Variants in PTPRN2 observed in about 807,000 individuals in gnomAD.
The protein encoded by PTPRN2 is protein tyrosine phosphatase receptor type N2, also known as receptor-type tyrosine-protein phosphatase N2.
A neutral mutation model predicts 118.8 loss-of-function variants in PTPRN2; 74 were observed. The observed-to-expected ratio is 0.62, with a 90% confidence interval of 0.52 to 0.76. PTPRN2 has a LOEUF of 0.76. Ranked by LOEUF, PTPRN2 falls within the 30% of genes least tolerant of loss-of-function variation. PTPRN2 has a pLI of 0.00. For synonymous variants in PTPRN2, 641 were observed against 608.0 expected, an observed-to-expected ratio of 1.05 and a Z score of -0.80; for missense variants, 1,481 against 1,394.4, an observed-to-expected ratio of 1.06 and a Z score of -0.99.
At chr7:158,171,348 T>TAC (rs1252929315) in intron 5 of PTPRN2, among the ~76,000 whole-genome samples, 5,954 of 89,510 alleles carry the variant, frequency 0.067, 709 homozygotes, top group Middle Eastern at 0.11. Context: ...TATATATATA[T>TAC]ACACACACAC....
intron 1 of PTPRN2, among the ~76,000 whole-genome samples, chr7:158,542,635 A>G (rs577114618): frequency 1.2e-4 from 18 of 152,364 alleles, no homozygotes; most frequent in African/African-American, 4.3e-4. Flanking sequence ...CGCTCAACCC[A>G]AGCAAGTGAG....
At chr7:157,853,017 T>G (rs563173178) in intron 12 of PTPRN2, among the ~76,000 whole-genome samples, 253 of 152,286 alleles carry the variant, frequency 1.7e-3, no homozygotes, top group African/African-American at 4.9e-3. Context: ...CCCATCACTG[T>G]GTGGACCATG....
intron 12 of PTPRN2, among the ~76,000 whole-genome samples, chr7:157,825,490 C>T (rs1807114013): frequency 6.6e-6 from 1 of 152,182 alleles, no homozygotes; most frequent in Non-Finnish European, 1.5e-5. Context: ...TTTTCTGTCA[C>T]ACTCAGTCAC....
At chr7:158,302,345 A>G (rs1190853356) in intron 3 of PTPRN2, among the ~76,000 whole-genome samples, 1 of 152,228 alleles carries the variant, frequency 6.6e-6, no homozygotes, top group Non-Finnish European at 1.5e-5. Flanking sequence ...GTGATCCCTC[A>G]TGTGGGACAC....
In PTPRN2 at chr7:158,093,842, T is replaced by A. The variant is rs929263259; in HGVS notation, c.1644-12465A>T. Among the ~76,000 whole-genome samples, 2 of 152,156 alleles carry A rather than the reference T, an allele frequency of 1.3e-5. No homozygotes were observed. Among genetic ancestry groups the A allele is most frequent in the Non-Finnish European group, 2.9e-5 (2 of 68,036 alleles). ...GGAAGAAGAGAGAACCAATTCTTAT[T>A]TGAATGTATGAGGAAACAAAGACAC... On this transcript the variant is annotated intron_variant, in intron 10 of 22. Coordinates refer to ENST00000389418, the MANE Select transcript of PTPRN2 (RefSeq NM_002847.5). This position sits in a 1 kb window ranked among gnomAD's most constrained non-coding sequence, Gnocchi z 4.4.
chr7:158,446,668 G>T (rs1331465970), intron 2 of PTPRN2, among the ~76,000 whole-genome samples: 2 of 152,272 alleles, frequency 1.3e-5, no homozygotes, highest in Non-Finnish European at 2.9e-5. Context: ...AGATTACTTG[G>T]TTGATGAGAA....
rs1179761565 is a variant in PTPRN2, at chr7:158,490,215, G to A, written c.113-430C>T. On this transcript the variant is annotated intron_variant, in intron 1 of 22. Transcript: ENST00000389418. ...GGCGCCGGGGAGCGGAGGCTTCCAG[G>A]GAGGTAACGAGCTCCGCGGGGAGCC... is the stretch of plus-strand genomic sequence containing the variant. Among the ~76,000 whole-genome samples, 2 of 152,386 alleles carry A rather than the reference G, an allele frequency of 1.3e-5. 1 individual carries two copies. Among genetic ancestry groups the A allele is most frequent in the African/African-American group, 4.8e-5 (2 of 41,598 alleles).
chr7:158,425,382 G>C (rs1367012255), intron 2 of PTPRN2, among the ~76,000 whole-genome samples: 1 of 104,952 alleles, frequency 9.5e-6, no homozygotes, highest in African/African-American at 4.4e-5. Flanking sequence ...GTCCAGCCTA[G>C]CTGAGGCCTG....
At chr7:158,351,475 C>A (rs188388131) in intron 2 of PTPRN2, among the ~76,000 whole-genome samples, 1 of 152,336 alleles carries the variant, frequency 6.6e-6, no homozygotes, top group Admixed American at 6.5e-5. Flanking sequence ...CAGCAGCCGA[C>A]ACAGTCACTC....
intron 12 of PTPRN2, among the ~76,000 whole-genome samples, chr7:157,841,528 C>G (rs10279564): frequency 6.6e-6 from 1 of 151,816 alleles, no homozygotes; most frequent in African/African-American, 2.4e-5. Flanking sequence ...TAGTCTTAAA[C>G]ACACACACAA....
rs1173798620 is a variant in PTPRN2 at position 158,441,035 on chromosome 7, GGTA to G, written c.163+48697_163+48699del. On this transcript the variant is annotated intron_variant, in intron 2 of 22. Coordinates refer to ENST00000389418, the MANE Select transcript of PTPRN2 (RefSeq NM_002847.5). ...TGGTAGTCGTGGTGGTGGTGACAGT[GGTA>G]GTAGTGATGGTGGTAGTGATGGGGG... 6.1e-4 allele frequency among the ~76,000 whole-genome samples: 89 copies of G among 146,102 alleles called. 6 individuals are homozygous for G. Among genetic ancestry groups the G allele is most frequent in the Middle Eastern group, 7.3e-3 (2 of 274 alleles).
At chr7:158,561,988 C>T (rs910321729) in intron 1 of PTPRN2, among the ~76,000 whole-genome samples, 1 of 152,204 alleles carries the variant, frequency 6.6e-6, no homozygotes, top group Non-Finnish European at 1.5e-5. Flanking sequence ...GCAGACCTGC[C>T]TCTCTCTCGT....
chr7:157,622,815 C>A lies in PTPRN2; in HGVS notation c.2197-1306G>T, dbSNP rs1803345097. ...CACCCCCACCATGGCCCTGCTTGAG[C>A]TAGTTGGGAAAAGCAGAGGGACTCC... On this transcript the variant is annotated intron_variant, in intron 14 of 22. Coordinates refer to ENST00000389418, the MANE Select transcript of PTPRN2 (RefSeq NM_002847.5). This position sits in a 1 kb window ranked among gnomAD's most constrained non-coding sequence, Gnocchi z 5.3. Among the ~76,000 whole-genome samples the A allele has an allele frequency of 6.6e-6, 1 of 152,186 alleles. No individual in the cohort carries two copies. The highest frequency in any genetic ancestry group is 2.1e-4 in the South Asian group (1 of 4,828).
intron 11 of PTPRN2, among the ~76,000 whole-genome samples, chr7:157,900,592 T>C (rs1399506370): frequency 6.6e-6 from 1 of 152,172 alleles, no homozygotes; most frequent in African/African-American, 2.4e-5. Flanking sequence ...CTTGCCCAGA[T>C]ATTGGGCTTT....
At chr7:157,759,477 G>A (rs566329247) in intron 12 of PTPRN2, among the ~76,000 whole-genome samples, 115 of 152,342 alleles carry the variant, frequency 7.5e-4, no homozygotes, top group Non-Finnish European at 1.3e-3. Flanking sequence ...CGTGTCCAGT[G>A]TCAGCTCCTT....
intron 1 of PTPRN2, among the ~76,000 whole-genome samples, chr7:158,537,898 G>T (rs189096970): frequency 6.6e-6 from 1 of 152,200 alleles, no homozygotes; most frequent in South Asian, 2.1e-4. Flanking sequence ...ATATTTGCTA[G>T]CTTCACCTTG....
chr7:158,120,702 C>G (rs1382425468), intron 9 of PTPRN2, among the ~76,000 whole-genome samples: 2 of 152,186 alleles, frequency 1.3e-5, no homozygotes, highest in Non-Finnish European at 2.9e-5. Context: ...TTTTCCTGTA[C>G]ATTTTGGATG....
Position 158,151,114 on chromosome 7 carries a change from A to ACATCGCCCGCCTTTCTATTCCTG in PTPRN2, c.911-12600_911-12599insCAGGAATAGAAAGGCGGGCGATG, listed in dbSNP as rs1563520880. On this transcript the variant is annotated intron_variant, in intron 6 of 22. Transcript: ENST00000389418. ...CCAAACCGCCCGCCTTTCTGCTCCT[A>ACATCGCCCGCCTTTCTATTCCTG]CCCCTGCCCACACCGCCCGCCTTTC... 5.2e-4 allele frequency among the ~76,000 whole-genome samples: 12 copies of ACATCGCCCGCCTTTCTATTCCTG among 22,988 alleles called. 1 individual carries two copies. The highest frequency in any genetic ancestry group is 2.7e-3 in the African/African-American group (12 of 4,384). 15.1% of individuals were successfully genotyped at this position (22,988 alleles called of 152,430 possible).
intron 22 of PTPRN2, among the ~76,000 whole-genome samples, chr7:157,546,144 C>T (rs540063784): frequency 1.3e-5 from 2 of 152,230 alleles, no homozygotes; most frequent in East Asian, 1.9e-4. Context: ...CTCCTCCGGA[C>T]GCCCAGTCCA....
Sources: allele counts gnomAD v4.1 joint callset (sites outside exome capture counted in the v4.1 genomes callset), GRCh38; gene constraint gnomAD v4.1.1; non-coding constraint Gnocchi (gnomAD v3.1); transcripts MANE v1.5; gene names NCBI Gene and HGNC (gene_info 2026-07-23, HGNC 2026-07-21).